Variants in SPAG1 observed in about 807,000 individuals in gnomAD.
The protein encoded by SPAG1 is sperm associated antigen 1.
A neutral mutation model predicts 100.5 loss-of-function variants in SPAG1; 69 were observed. The observed-to-expected ratio is 0.69, with a 90% CI of 0.57 to 0.84. The LOEUF is 0.84. Among genes scored for constraint, SPAG1 ranks in the 40% least tolerant of loss-of-function variants. The pLI, the probability that SPAG1 is intolerant of heterozygous loss-of-function variation, is 0.00. For missense variants in SPAG1, 955 were observed against 1,133.1 expected (o/e 0.84, Z 2.26); for synonymous variants, 336 against 411.6 (o/e 0.82, Z 2.22).
At position 100,213,427 on chromosome 8, in the gene SPAG1, A is replaced by G; in HGVS notation, c.1434A>G (p.Ala478=). ...CGGCAATCGCGCTCCTGGAGCCAGC[A>G]GGTAGGTGCGCCGCGCCCCGCCGCT... ...YSAAIALLEP[A]GSEIADDLSI... is the part of the protein sequence containing the mutation. The change falls in exon 11 of 19, where the codon GCA becomes GCG. Residue 478 remains alanine (A), a splice_region_variant and synonymous_variant. Coordinates refer to ENST00000388798, the MANE Select transcript of SPAG1 (RefSeq NM_003114.5). The G allele has an allele frequency of 7.1e-7, 1 of 1,399,330 alleles. No homozygotes were observed. The highest frequency in any genetic ancestry group is 9.3e-7 in the Non-Finnish European group (1 of 1,079,244). The allele number at this position is 1,399,330 out of a possible 1,614,324, so 86.7% of individuals were successfully genotyped here. A position where few individuals can be genotyped will look rare whatever the true frequency, so the allele number is the denominator to read the frequency against.
chr8:100,231,311 T>TA, intron 15 of SPAG1, 23 bp downstream of exon 15: 2 of 1,415,420 alleles, frequency 1.4e-6, no homozygotes, highest in Non-Finnish European at 1.9e-6. Flanking sequence ...TAACTTTATA[T>TA]ATTTCTTATG....
intron 3 of SPAG1, among the ~76,000 whole-genome samples, chr8:100,175,932 C>A (rs1456294906): frequency 6.6e-6 from 1 of 152,176 alleles, no homozygotes; most frequent in Non-Finnish European, 1.5e-5. Context: ...CAAATAAGGT[C>A]AGTCCTGATC....
At chr8:100,175,509 A>G (rs1816075162) in intron 3 of SPAG1, among the ~76,000 whole-genome samples, 2 of 151,906 alleles carry the variant, frequency 1.3e-5, no homozygotes, top group East Asian at 3.9e-4. Flanking sequence ...GATGGTCTCA[A>G]TCTCCTGACC....
chr8:100,176,807 C>CCCTCTCCTCCCCTCT (rs1816139658), intron 3 of SPAG1, among the ~76,000 whole-genome samples: 1 of 116,296 alleles, frequency 8.6e-6, no homozygotes, highest in African/African-American at 3.5e-5. Flanking sequence ...TCATAAATTT[C>CCCTCTCCTCCCCTCT]CCTCTCCTCT....
intron 12 of SPAG1, among the ~76,000 whole-genome samples, chr8:100,218,374 C>T (rs1396948239): frequency 1.3e-5 from 2 of 152,204 alleles, no homozygotes; most frequent in Non-Finnish European, 2.9e-5. Context: ...CCAAGCTTGG[C>T]TTAAGGCCAT....
intron 1 of SPAG1, among the ~76,000 whole-genome samples, chr8:100,159,162 A>G (rs773438542): frequency 6.6e-6 from 1 of 152,290 alleles, no homozygotes; most frequent in Non-Finnish European, 1.5e-5. Context: ...AGATGCTTAG[A>G]TCTCTCCCAC....
At chr8:100,198,178 C>T (rs1817113941) in intron 10 of SPAG1, among the ~76,000 whole-genome samples, 1 of 152,136 alleles carries the variant, frequency 6.6e-6, no homozygotes, top group African/African-American at 2.4e-5. Context: ...ATTAAAGTCA[C>T]TCACAAACAG....
At chr8:100,200,137 C>T (rs1817211298) in intron 10 of SPAG1, among the ~76,000 whole-genome samples, 1 of 152,302 alleles carries the variant, frequency 6.6e-6, no homozygotes, top group East Asian at 1.9e-4. Context: ...TGATGTTCCT[C>T]TTCCTGTGTC....
Position 100,235,197 on chromosome 8 carries a change from CTG to C in SPAG1, c.2115+1671_2115+1672del, listed in dbSNP as rs879626714. Among the ~76,000 whole-genome samples the C allele has an allele frequency of 3.1e-4, 47 of 152,146 alleles. No homozygotes were observed. In the East Asian group the frequency reaches 6.0e-3, roughly 19 times the overall value. Reference sequence around the variant, plus strand: ...CCTGGGTCTCCATGTGGCCTTCCCTCTGTGTGTGTGTGCCCAAATCTTCTCTT... The same window carrying C: ...CCTGGGTCTCCATGTGGCCTTCCCTCTGTGTGTGTGCCCAAATCTTCTCTT... On this transcript the variant is annotated intron_variant, in intron 16 of 18. Coordinates refer to ENST00000388798, the MANE Select transcript of SPAG1 (RefSeq NM_003114.5).
chr8:100,171,753 C>T (rs1324995466), intron 3 of SPAG1, among the ~76,000 whole-genome samples: 1 of 152,226 alleles, frequency 6.6e-6, no homozygotes, highest in Non-Finnish European at 1.5e-5. Flanking sequence ...ACCCTTCTTT[C>T]AAGAATCACT....
intron 2 of SPAG1, chr8:100,165,427 G>A (rs1045582317): frequency 1.4e-5 from 6 of 418,764 alleles, no homozygotes; most frequent in Admixed American, 2.9e-5. Flanking sequence ...TACTTTGTAC[G>A]CCAGCCGCGG....
intron 15 of SPAG1, among the ~76,000 whole-genome samples, chr8:100,232,234 C>T (rs1206837991): frequency 2.0e-5 from 3 of 152,174 alleles, no homozygotes; most frequent in African/African-American, 7.2e-5. Context: ...GTGAAGACTC[C>T]TCCTCCTCTT....
rs1019529753 is a variant in SPAG1 at position 100,239,133 on chromosome 8, C to T, written c.2116-107C>T. 6.3e-5 allele frequency: 39 copies of T among 618,170 alleles called. No homozygotes were observed. The highest frequency in any genetic ancestry group is 4.6e-4 in the Middle Eastern group (1 of 2,194). 38.3% of individuals were successfully genotyped at this position (618,170 alleles called of 1,614,324 possible). A position where few individuals can be genotyped will look rare whatever the true frequency, so the allele number is the denominator to read the frequency against. Reference sequence around the variant, plus strand: ...TTTGTAAGAGTGGTATTAATGTGGACCCTGCACACATACTGCACAGCTCAC... The same window carrying T: ...TTTGTAAGAGTGGTATTAATGTGGATCCTGCACACATACTGCACAGCTCAC... On this transcript the variant is annotated intron_variant, in intron 16 of 18. Coordinates refer to ENST00000388798, the MANE Select transcript of SPAG1 (RefSeq NM_003114.5). The surrounding 1 kb of genome is among the most constrained non-coding windows in gnomAD (Gnocchi z 5.0).
chr8:100,170,849 ATTTT>A (rs1183008094), intron 3 of SPAG1, among the ~76,000 whole-genome samples: 21 of 95,448 alleles, frequency 2.2e-4, no homozygotes, highest in Admixed American at 2.0e-3. Context: ...TTATTTATTT[ATTTT>A]TTACTTGCTT....
Position 100,191,495 on chromosome 8 carries a change from A to C in SPAG1, c.938A>C (p.Lys313Thr). Residue 313 changes from lysine to threonine, a missense_variant and splice_region_variant, in exon 9 of 19, where the codon AAG (lysine) becomes ACG (threonine). Transcript: ENST00000388798. ...GTTGAGCCTGATAATGATTTGGCCA[A>C]GGTAAGTATAGAATGTGATTTCTCA... ...LDVEPDNDLA[K>T]KTLSEVERDL... 6 of 1,593,242 alleles carry C rather than the reference A, an allele frequency of 3.8e-6. No homozygotes were observed. Among genetic ancestry groups the C allele is most frequent in the Non-Finnish European group, 5.2e-6 (6 of 1,161,810 alleles).
chr8:100,171,100 T>A (rs1184139290), intron 3 of SPAG1, among the ~76,000 whole-genome samples: 1 of 152,214 alleles, frequency 6.6e-6, no homozygotes. Context: ...TTTATTGAGA[T>A]GAACAGATGA....
At chr8:100,190,609 C>T (rs760340130) in intron 8 of SPAG1, among the ~76,000 whole-genome samples, 1 of 151,478 alleles carries the variant, frequency 6.6e-6, no homozygotes, top group Non-Finnish European at 1.5e-5. Context: ...ATACAGATGT[C>T]ACTAATGAGC....
intron 9 of SPAG1, among the ~76,000 whole-genome samples, chr8:100,193,864 A>G (rs770681337): frequency 6.6e-6 from 1 of 152,210 alleles, no homozygotes; most frequent in Non-Finnish European, 1.5e-5. Context: ...CAAAATGTTA[A>G]TAGTAGTATC....
intron 10 of SPAG1, 126 bp from the exon 11 acceptor site, chr8:100,212,964 G>C: frequency 1.4e-6 from 1 of 711,788 alleles, no homozygotes; most frequent in Non-Finnish European, 2.0e-6. Flanking sequence ...GCCCGCAGGG[G>C]CGGTGCCCGA....
Sources: gnomAD v4.1 joint callset for allele counts (sites outside exome capture counted in the v4.1 genomes callset) on GRCh38, gnomAD v4.1.1 for gene constraint, Gnocchi (gnomAD v3.1) non-coding constraint, MANE v1.5 for transcripts, NCBI Gene and HGNC (gene_info 2026-07-23, HGNC 2026-07-21) for gene names.